MGAT5: variants seen among roughly 807,000 people sequenced by gnomAD.
The protein encoded by MGAT5 is alpha-1,6-mannosylglycoprotein 6-beta-N-acetylglucosaminyltransferase.
In MGAT5, 30 loss-of-function variants were observed where a neutral mutation model predicts 94.3. That is an observed-to-expected ratio of 0.32 (90% CI 0.24 to 0.43). MGAT5 has a LOEUF of 0.43. MGAT5 is among the 20% of genes least tolerant of loss of function. The probability of loss-of-function intolerance (pLI) is 1.00; values close to 1 mark genes in which losing one functional copy is unlikely to be tolerated. For missense variants in MGAT5, 691 were observed against 905.5 expected (o/e 0.76, Z 3.04); for synonymous variants, 310 against 322.9 (o/e 0.96, Z 0.43).
At chr2:134,398,136 G>A (rs748745123) in intron 10 of MGAT5, among the ~76,000 whole-genome samples, 4 of 152,164 alleles carry the variant, frequency 2.6e-5, no homozygotes, top group Non-Finnish European at 4.4e-5. Context: ...CAGATTTGGA[G>A]ATATTAGCAA....
chr2:134,124,652 G>A (rs752954185), intron 1 of MGAT5, among the ~76,000 whole-genome samples: 24 of 152,190 alleles, frequency 1.6e-4, no homozygotes, highest in Non-Finnish European at 2.8e-4. Context: ...TCCCTGCAAT[G>A]GCTAAGGAAT....
intron 7 of MGAT5, 58 bp downstream of exon 7, chr2:134,341,817 T>C: frequency 2.1e-6 from 3 of 1,448,178 alleles, no homozygotes; most frequent in South Asian, 2.6e-5. Flanking sequence ...TTGTAAACTC[T>C]TAAAGTATTA....
intron 1 of MGAT5, among the ~76,000 whole-genome samples, chr2:134,245,902 G>A (rs1005577000): frequency 2.0e-5 from 3 of 152,096 alleles, no homozygotes; most frequent in African/African-American, 7.2e-5. Context: ...TGGCATTGGA[G>A]GTTTTCCTTT....
intron 1 of MGAT5, among the ~76,000 whole-genome samples, chr2:134,137,377 T>C (rs886780060): frequency 3.9e-5 from 6 of 152,172 alleles, no homozygotes; most frequent in African/African-American, 1.4e-4. Context: ...GCCCAGAGGG[T>C]GCTCTGCCGC....
chr2:134,338,913 G>A (rs1416229838), intron 6 of MGAT5, among the ~76,000 whole-genome samples: 1 of 151,986 alleles, frequency 6.6e-6, no homozygotes, highest in Non-Finnish European at 1.5e-5. Context: ...AGTTTATGAG[G>A]ACAGGCTTGG....
At chr2:134,212,598 G>A (rs1249302262) in intron 1 of MGAT5, among the ~76,000 whole-genome samples, 5 of 152,190 alleles carry the variant, frequency 3.3e-5, no homozygotes, top group South Asian at 2.1e-4. Context: ...ATAAAACCCC[G>A]TAAAATGATC....
chr2:134,130,281 C>T (rs779108724), intron 1 of MGAT5, among the ~76,000 whole-genome samples: 11 of 151,852 alleles, frequency 7.2e-5, no homozygotes, highest in Admixed American at 6.6e-4. Context: ...CACACCCTGG[C>T]GGTGGGCTCC....
chr2:134,225,292 C>T (rs991809988), intron 1 of MGAT5, among the ~76,000 whole-genome samples: 1 of 152,138 alleles, frequency 6.6e-6, no homozygotes. Context: ...GTTTCAGCAA[C>T]ACCTGGGAGC....
At chr2:134,360,893 T>TTG (rs3838502) in intron 9 of MGAT5, among the ~76,000 whole-genome samples, 73,631 of 152,042 alleles carry the variant, frequency 0.48, 21,681 homozygotes, top group Non-Finnish European at 0.66. Flanking sequence ...CACAACCCTG[T>TTG]TATCTCCTCA....
chr2:134,122,359 C>A (rs569780886), intron 1 of MGAT5, among the ~76,000 whole-genome samples: 1 of 152,350 alleles, frequency 6.6e-6, no homozygotes, highest in Admixed American at 6.5e-5. Context: ...CTGCCTCGGC[C>A]TCCCAAAGTG....
intron 1 of MGAT5, among the ~76,000 whole-genome samples, chr2:134,164,836 T>C (rs1423481364): frequency 7.0e-6 from 1 of 142,296 alleles, no homozygotes; most frequent in Non-Finnish European, 1.6e-5. Context: ...GTGACACCCG[T>C]CTCAAAAAAA....
chr2:134,180,447 G>C (rs1357507238), intron 1 of MGAT5, among the ~76,000 whole-genome samples: 3 of 152,108 alleles, frequency 2.0e-5, no homozygotes, highest in African/African-American at 7.2e-5. Context: ...TTGTAATCCT[G>C]GTGTAAAACC....
intron 2 of MGAT5, among the ~76,000 whole-genome samples, chr2:134,303,382 T>C (rs1450677278): frequency 2.0e-5 from 3 of 152,098 alleles, no homozygotes; most frequent in East Asian, 3.9e-4. Context: ...TGCTATAGAG[T>C]GTCTGGGTTC....
At chr2:134,387,301 G>GATATATATAT (rs1553458949) in intron 10 of MGAT5, among the ~76,000 whole-genome samples, 685 of 42,460 alleles carry the variant, frequency 0.016, 45 homozygotes, top group Non-Finnish European at 0.021. Context: ...AGTTATGTAT[G>GATATATATAT]ATATATATAT....
intron 1 of MGAT5, among the ~76,000 whole-genome samples, chr2:134,223,904 G>T (rs541321252): frequency 6.6e-6 from 1 of 151,758 alleles, no homozygotes; most frequent in South Asian, 2.1e-4. Flanking sequence ...TTAAAAAACT[G>T]TTATTGAACT....
intron 1 of MGAT5, among the ~76,000 whole-genome samples, chr2:134,246,378 TG>T (rs1559008909): frequency 6.6e-6 from 1 of 152,160 alleles, no homozygotes; most frequent in African/African-American, 2.4e-5. Flanking sequence ...CTGGGCCATC[TG>T]GGGGAGTGAA....
At chr2:134,190,835 GA>G (rs1203183391) in intron 1 of MGAT5, among the ~76,000 whole-genome samples, 1 of 152,210 alleles carries the variant, frequency 6.6e-6, no homozygotes. Context: ...TTTTAATAGA[GA>G]TGGGGTTTTG....
intron 9 of MGAT5, among the ~76,000 whole-genome samples, chr2:134,354,058 A>G (rs963164912): frequency 1.6e-4 from 24 of 152,144 alleles, no homozygotes; most frequent in African/African-American, 5.8e-4. Context: ...TTTTGGGTCA[A>G]TGTGGCTATT....
At chr2:134,130,782 C>G (rs1238758120) in intron 1 of MGAT5, among the ~76,000 whole-genome samples, 1 of 151,956 alleles carries the variant, frequency 6.6e-6, no homozygotes, top group African/African-American at 2.4e-5. Flanking sequence ...AATCAGCACT[C>G]TGTGTCTAAC....
Sources: allele counts gnomAD v4.1 joint callset (sites outside exome capture counted in the v4.1 genomes callset), GRCh38; gene constraint gnomAD v4.1.1; transcripts MANE v1.5; gene names NCBI Gene and HGNC (gene_info 2026-07-23, HGNC 2026-07-21).